USP14: variants seen among roughly 807,000 people sequenced by gnomAD.
USP14 encodes ubiquitin specific peptidase 14.
Under a neutral mutation model 76.5 loss-of-function variants are expected in USP14, and 38 were observed. That is an observed-to-expected ratio of 0.50 (90% CI 0.38 to 0.65). The LOEUF (loss-of-function observed/expected upper bound fraction) is 0.65, where lower values mean the gene tolerates loss of function less well. Among genes scored for constraint, USP14 ranks in the 30% least tolerant of loss-of-function variants. The pLI is 0.00. For synonymous variants in USP14, 192 were observed against 191.7 expected (o/e 1.00, Z -0.01); for missense variants, 467 against 586.5 (o/e 0.80, Z 2.10).
chr18:192,134 A>G (rs1051301218), intron 5 of USP14, among the ~76,000 whole-genome samples: 2 of 152,250 alleles, frequency 1.3e-5, no homozygotes, highest in African/African-American at 4.8e-5. Flanking sequence ...CAGCAAGCTA[A>G]TGCTGAATGT....
chr18:184,479 T>C (rs1397827632), intron 5 of USP14, among the ~76,000 whole-genome samples: 1 of 152,098 alleles, frequency 6.6e-6, no homozygotes, highest in Non-Finnish European at 1.5e-5. Context: ...GGGTCCCGAG[T>C]GTGATGGCTC....
Position 210,291 on chromosome 18 carries a change from C to T in USP14, c.1226-95C>T, listed in dbSNP as rs183850089. 1.8e-3 allele frequency: 1,647 copies of T among 914,756 alleles called. 4 individuals are homozygous for T. Among genetic ancestry groups the T allele is most frequent in the Non-Finnish European group, 2.4e-3 (1,443 of 599,560 alleles). 56.7% of individuals were successfully genotyped at this position (914,756 alleles called of 1,614,324 possible). A position where few individuals can be genotyped will look rare whatever the true frequency, so the allele number is the denominator to read the frequency against. ...TCTTATTGGATTCTGATAATACTTT[C>T]GTAATGTGAACTTTAGAGTTATTCT... is the stretch of plus-strand genomic sequence containing the variant. On this transcript the variant is annotated intron_variant, in intron 14 of 15. Transcript: ENST00000261601.
At chr18:186,812 T>C (rs886105159) in intron 5 of USP14, among the ~76,000 whole-genome samples, 5 of 152,178 alleles carry the variant, frequency 3.3e-5, no homozygotes, top group African/African-American at 7.2e-5. Context: ...TTTAAACATA[T>C]GTGTAGCAGT....
intron 6 of USP14, 60 bp from the exon 7 acceptor site, chr18:196,577 C>T: frequency 6.7e-7 from 1 of 1,498,736 alleles, no homozygotes; most frequent in Non-Finnish European, 9.0e-7. Context: ...AATTAATTTA[C>T]AGTCGCGTGT....
intron 13 of USP14, 152 bp downstream of exon 13, chr18:204,844 G>A (rs1910485334): frequency 6.3e-6 from 5 of 793,102 alleles, no homozygotes; most frequent in South Asian, 2.0e-5. Context: ...CAATTAGCAG[G>A]TATACACATC....
chr18:181,443 T>C (rs1034561494), intron 5 of USP14, among the ~76,000 whole-genome samples: 15 of 152,190 alleles, frequency 9.9e-5, no homozygotes, highest in African/African-American at 3.4e-4. Context: ...TGGGCATCTT[T>C]TCATGTGCTT....
In USP14 at chr18:192,851, T is replaced by G. The variant is rs762471553; in HGVS notation, c.414T>G (p.Gly138=). 6.2e-7 allele frequency: 1 copy of G among 1,613,864 alleles called. No homozygotes were observed. The highest frequency in any genetic ancestry group is 2.2e-5 in the East Asian group (1 of 44,838). Residue 138 remains glycine, a synonymous_variant, in exon 6 of 16, where the codon GGT becomes GGG. Coordinates refer to ENST00000261601, the MANE Select transcript of USP14 (RefSeq NM_005151.4). ...GCTTTAATGTTCCTAGGTATGCAGG[T>G]GCCTTGAGAGCTTCAGGGGAAATGG... is the stretch of plus-strand genomic sequence containing the variant. The part of the protein sequence containing the change: ...ELKDALKRYA[G]ALRASGEMAS...
At chr18:166,012 A>AAC (rs1555761769) in intron 2 of USP14, among the ~76,000 whole-genome samples, 4 of 152,002 alleles carry the variant, frequency 2.6e-5, no homozygotes, top group African/African-American at 4.8e-5. Flanking sequence ...TTAAAAAAAA[A>AAC]ATTCTTGATT....
chr18:163,281 T>A, intron 1 of USP14, 27 bp from the exon 2 acceptor site: 1 of 1,564,442 alleles, frequency 6.4e-7, no homozygotes, highest in Middle Eastern at 1.7e-4. Context: ...TATTTTTTAA[T>A]TAAAAAAATT....
chr18:201,733 G>T (rs2143081062), intron 10 of USP14, among the ~76,000 whole-genome samples: 1 of 152,202 alleles, frequency 6.6e-6, no homozygotes, highest in East Asian at 1.9e-4. Flanking sequence ...CTCCAGGATG[G>T]TATTTTCTTC....
intron 10 of USP14, among the ~76,000 whole-genome samples, chr18:199,547 T>A (rs916918163): frequency 3.9e-5 from 6 of 151,970 alleles, no homozygotes; most frequent in Non-Finnish European, 8.8e-5. Context: ...ACTGTTGTTT[T>A]AAAAAAAAAT....
intron 6 of USP14, 149 bp downstream of exon 6, chr18:193,049 C>G: frequency 2.1e-6 from 1 of 473,904 alleles, no homozygotes; most frequent in Non-Finnish European, 3.6e-6. Flanking sequence ...CAACTTGGTA[C>G]TTATTTTATC....
chr18:171,314 G>A (rs2144220768), intron 3 of USP14, among the ~76,000 whole-genome samples: 1 of 152,076 alleles, frequency 6.6e-6, no homozygotes, highest in African/African-American at 2.4e-5. Flanking sequence ...GGGTTCAAAG[G>A]CCAGACTGAC....
chr18:184,071 G>A (rs1489298207), intron 5 of USP14, among the ~76,000 whole-genome samples: 3 of 152,122 alleles, frequency 2.0e-5, no homozygotes, highest in Non-Finnish European at 2.9e-5. Flanking sequence ...AAGCAGGGGA[G>A]ATTTCATCCT....
chr18:211,332 TTGATCATTTC>T lies in USP14; in HGVS notation c.*50_*59del, dbSNP rs1910664394. ...TAGATGTGAAAATAAATGTTATTTG[TTGATCATTTC>T]TATAATCCAGAGCTTTAGAGGAAGA... is the stretch of plus-strand genomic sequence containing the variant. On this transcript the variant is annotated 3_prime_UTR_variant, in exon 16 of 16. Coordinates refer to ENST00000261601, the MANE Select transcript of USP14 (RefSeq NM_005151.4). 1.3e-6 allele frequency: 2 copies of T among 1,558,130 alleles called. No homozygotes were observed. The highest frequency in any genetic ancestry group is 2.7e-5 in the African/African-American group (2 of 73,360).
At chr18:210,557 A>G (rs1910643593) in intron 15 of USP14, 64 bp downstream of exon 15, 8 of 1,271,532 alleles carry the variant, frequency 6.3e-6, no homozygotes, top group Admixed American at 2.2e-5. Context: ...TATAAATTTT[A>G]TAGCAGTGTG....
chr18:177,422 T>TAAAAA (rs550087165), intron 3 of USP14, among the ~76,000 whole-genome samples: 1 of 108,658 alleles, frequency 9.2e-6, no homozygotes, highest in Non-Finnish European at 1.9e-5. Context: ...TCCCTGTCTC[T>TAAAAA]AAAAAAAAAA....
chr18:176,762 A>AT (rs1196124423), intron 3 of USP14, among the ~76,000 whole-genome samples: 4 of 151,974 alleles, frequency 2.6e-5, no homozygotes, highest in African/African-American at 9.7e-5. Flanking sequence ...ATGAATATTA[A>AT]TTTTTTTACA....
At chr18:180,679 A>T (rs1909762573) in intron 5 of USP14, among the ~76,000 whole-genome samples, 1 of 152,182 alleles carries the variant, frequency 6.6e-6, no homozygotes, top group African/African-American at 2.4e-5. Flanking sequence ...ATCGTATAAT[A>T]TGTGGCCTTT....
Sources: allele counts gnomAD v4.1 joint callset (sites outside exome capture counted in the v4.1 genomes callset), GRCh38; gene constraint gnomAD v4.1.1; transcripts MANE v1.5; gene names NCBI Gene and HGNC (gene_info 2026-07-23, HGNC 2026-07-21).